RABGAP1L: variants seen among roughly 807,000 people sequenced by gnomAD.
The protein encoded by RABGAP1L is rab GTPase-activating protein 1-like.
RABGAP1L carries 63 observed loss-of-function variants against 137.7 expected under a neutral mutation model. The ratio of observed to expected loss-of-function variants is 0.46; its 90% CI spans 0.37 to 0.56. The LOEUF is 0.56. Ranked by LOEUF, RABGAP1L falls within the 20% of genes least tolerant of loss-of-function variation. RABGAP1L has a pLI of 0.00. For missense variants in RABGAP1L, 1,095 were observed against 1,244.0 expected (o/e 0.88, Z 1.80); for synonymous variants, 431 against 433.7 (o/e 0.99, Z 0.08).
chr1:174,291,880 A>C (rs1676642074), intron 10 of RABGAP1L, among the ~76,000 whole-genome samples: 1 of 150,996 alleles, frequency 6.6e-6, no homozygotes, highest in African/African-American at 2.4e-5. Context: ...CCCTCCAAAG[A>C]GCCAGATTTC....
intron 13 of RABGAP1L, among the ~76,000 whole-genome samples, chr1:174,555,937 A>G (rs1388627474): frequency 1.3e-5 from 2 of 150,838 alleles, no homozygotes; most frequent in Non-Finnish European, 3.0e-5. Flanking sequence ...TGGATATTGT[A>G]GGACTATGTT....
At chr1:174,626,303 G>A (rs997730035) in intron 13 of RABGAP1L, among the ~76,000 whole-genome samples, 2 of 152,178 alleles carry the variant, frequency 1.3e-5, no homozygotes, top group African/African-American at 4.8e-5. Flanking sequence ...ATAGGCCTCA[G>A]TGCCTCCTAG....
At chr1:174,433,659 A>G (rs1287992410) in intron 13 of RABGAP1L, among the ~76,000 whole-genome samples, 1 of 152,194 alleles carries the variant, frequency 6.6e-6, no homozygotes, top group Non-Finnish European at 1.5e-5. Flanking sequence ...TGAGTCAGAT[A>G]TACTGATTGA....
intron 18 of RABGAP1L, among the ~76,000 whole-genome samples, chr1:174,762,131 G>T (rs1411741851): frequency 6.6e-6 from 1 of 152,112 alleles, no homozygotes; most frequent in African/African-American, 2.4e-5. Context: ...GGGAAGGGCG[G>T]TAGGAGATGA....
chr1:174,448,640 T>G lies in RABGAP1L; in HGVS notation c.1710+54495T>G. The stretch of plus-strand genomic sequence containing the variant: ...CTCCTGCCTAATTTTCTTGCCTTCC[T>G]TTTTTGGCTGGGGGAAACCTGGTTA... On this transcript the variant is annotated intron_variant, in intron 13 of 25. Coordinates refer to ENST00000681986, the MANE Select transcript of RABGAP1L (RefSeq NM_001366446.1). This position sits in a 1 kb window ranked among gnomAD's most constrained non-coding sequence, Gnocchi z 4.2. 6.2e-7 allele frequency: 1 copy of G among 1,612,956 alleles called. No individual in the cohort carries two copies. The highest frequency in any genetic ancestry group is 8.5e-7 in the Non-Finnish European group (1 of 1,178,984).
chr1:174,327,995 A>ATATATATATG (rs1680666546), intron 11 of RABGAP1L, among the ~76,000 whole-genome samples: 1 of 81,036 alleles, frequency 1.2e-5, no homozygotes, highest in African/African-American at 6.1e-5. Flanking sequence ...ACATATATAT[A>ATATATATATG]TATATATATA....
At chr1:174,884,150 A>C (rs763681898) in intron 19 of RABGAP1L, among the ~76,000 whole-genome samples, 1 of 152,226 alleles carries the variant, frequency 6.6e-6, no homozygotes, top group African/African-American at 2.4e-5. Context: ...TGGCTATACT[A>C]TATTGGCACT....
chr1:174,415,379 GT>G (rs1266444814), intron 13 of RABGAP1L, among the ~76,000 whole-genome samples: 27 of 151,914 alleles, frequency 1.8e-4, no homozygotes, highest in Admixed American at 1.6e-3. Context: ...CTCAGTAAAA[GT>G]TGCTAAGAAT....
chr1:174,249,989 T>TCCTA (rs1672590930), intron 5 of RABGAP1L, among the ~76,000 whole-genome samples: 1 of 152,154 alleles, frequency 6.6e-6, no homozygotes, highest in African/African-American at 2.4e-5. Context: ...TAGTTGCAGC[T>TCCTA]CCTAAATCAT....
chr1:174,413,124 A>G (rs1161998905), intron 13 of RABGAP1L, among the ~76,000 whole-genome samples: 1 of 152,062 alleles, frequency 6.6e-6, no homozygotes, highest in African/African-American at 2.4e-5. Flanking sequence ...ATTTTACATA[A>G]TCCTATTTTT....
intron 14 of RABGAP1L, among the ~76,000 whole-genome samples, chr1:174,650,271 C>T (rs1473511000): frequency 2.0e-5 from 3 of 152,030 alleles, no homozygotes; most frequent in Admixed American, 6.6e-5. Flanking sequence ...TCAGTGTTCA[C>T]CAAGGATATT....
chr1:174,397,242 C>T (rs527675491), intron 13 of RABGAP1L, among the ~76,000 whole-genome samples: 4 of 152,148 alleles, frequency 2.6e-5, no homozygotes, highest in Non-Finnish European at 5.9e-5. Flanking sequence ...TAGATTTCTT[C>T]CCTCTGGAGT....
chr1:174,520,870 G>A (rs1325566425), intron 13 of RABGAP1L, among the ~76,000 whole-genome samples: 2 of 152,040 alleles, frequency 1.3e-5, no homozygotes, highest in Non-Finnish European at 2.9e-5. Flanking sequence ...GCATGGTGGT[G>A]CATGCCTATA....
intron 19 of RABGAP1L, among the ~76,000 whole-genome samples, chr1:174,827,101 C>T (rs1691642157): frequency 6.6e-6 from 1 of 152,120 alleles, no homozygotes; most frequent in South Asian, 2.1e-4. Flanking sequence ...GATTATTCCT[C>T]TGTCTATATT....
intron 19 of RABGAP1L, among the ~76,000 whole-genome samples, chr1:174,815,812 C>T (rs1309228646): frequency 6.6e-6 from 1 of 152,162 alleles, no homozygotes; most frequent in African/African-American, 2.4e-5. Flanking sequence ...TATTCTAATA[C>T]CCTTCTGTTC....
intron 9 of RABGAP1L, among the ~76,000 whole-genome samples, chr1:174,276,620 TTTAC>T (rs1345120181): frequency 1.3e-5 from 2 of 152,180 alleles, no homozygotes; most frequent in African/African-American, 4.8e-5. Context: ...TGCATTATAG[TTTAC>T]TTATAGTTTT....
chr1:174,573,006 C>T (rs957142968), intron 13 of RABGAP1L, among the ~76,000 whole-genome samples: 4 of 152,094 alleles, frequency 2.6e-5, no homozygotes, highest in African/African-American at 9.7e-5. Flanking sequence ...GATTAATCGA[C>T]TTTGCCAAAG....
intron 13 of RABGAP1L, among the ~76,000 whole-genome samples, chr1:174,601,582 A>G (rs1222514271): frequency 1.3e-5 from 2 of 152,172 alleles, no homozygotes; most frequent in African/African-American, 2.4e-5. Context: ...CCAACATGGC[A>G]TATGTACACC....
intron 17 of RABGAP1L, among the ~76,000 whole-genome samples, chr1:174,739,283 A>C (rs1282868969): frequency 6.6e-6 from 1 of 152,188 alleles, no homozygotes; most frequent in African/African-American, 2.4e-5. Context: ...CATAAAAGCT[A>C]ATTACTAATA....
Sources: allele counts gnomAD v4.1 joint callset (sites outside exome capture counted in the v4.1 genomes callset), GRCh38; gene constraint gnomAD v4.1.1; non-coding constraint Gnocchi (gnomAD v3.1); transcripts MANE v1.5; gene names NCBI Gene and HGNC (gene_info 2026-07-23, HGNC 2026-07-21).